EPB41L5: variants seen among roughly 807,000 people sequenced by gnomAD.
The protein encoded by EPB41L5 is erythrocyte membrane protein band 4.1 like 5, also known as band 4.1-like protein 5.
A neutral mutation model predicts 106.6 loss-of-function variants in EPB41L5; 55 were observed. The observed-to-expected ratio is 0.52, with a 90% CI of 0.42 to 0.65. EPB41L5 has a LOEUF of 0.65. Among genes scored for constraint, EPB41L5 ranks in the 30% least tolerant of loss-of-function variants. The probability of loss-of-function intolerance (pLI) is 0.00; values close to 1 mark genes in which losing one functional copy is unlikely to be tolerated. For missense variants in EPB41L5, 871 were observed against 882.1 expected (o/e 0.99, Z 0.16); for synonymous variants, 297 against 306.7 (o/e 0.97, Z 0.33).
In EPB41L5 at chr2:120,093,273, TTAGG is replaced by T; in HGVS notation, c.1178_1178+3del. ...GCATGTGCTACAAAACCTGAAGAAC[TTAGG>T]TAAGTAATGTTTTGCAACTTAGGAA... is the stretch of plus-strand genomic sequence containing the variant. On this transcript the variant is annotated splice_donor_variant and coding_sequence_variant, in exon 14 of 25. Coordinates refer to ENST00000263713, the MANE Select transcript of EPB41L5 (RefSeq NM_020909.4). LOFTEE classifies it high-confidence loss of function. The T allele has an allele frequency of 6.2e-7, 1 of 1,613,290 alleles. No homozygotes were observed. The highest frequency in any genetic ancestry group is 8.5e-7 in the Non-Finnish European group (1 of 1,179,290).
At chr2:120,145,870 T>C (rs892252594) in intron 19 of EPB41L5, among the ~76,000 whole-genome samples, 1 of 151,862 alleles carries the variant, frequency 6.6e-6, no homozygotes, top group Non-Finnish European at 1.5e-5. Flanking sequence ...CACTTGAACC[T>C]GGGAGGCAGA....
At chr2:120,078,445 C>A in intron 9 of EPB41L5, 48 bp from the exon 10 acceptor site, 1 of 1,258,976 alleles carries the variant, frequency 7.9e-7, no homozygotes, top group Non-Finnish European at 1.1e-6. Context: ...CAATGTGAAA[C>A]CTGTTTTGTA....
At chr2:120,068,051 G>A (rs1558842765) in intron 3 of EPB41L5, among the ~76,000 whole-genome samples, 2 of 152,186 alleles carry the variant, frequency 1.3e-5, no homozygotes, top group South Asian at 2.1e-4. Context: ...TGGAAGGCGG[G>A]TGATTTCTGC....
At chr2:120,059,975 A>T (rs1177951683) in intron 3 of EPB41L5, among the ~76,000 whole-genome samples, 2 of 152,200 alleles carry the variant, frequency 1.3e-5, no homozygotes, top group Non-Finnish European at 2.9e-5. Flanking sequence ...GAGACATTTC[A>T]CCTGAGAGGA....
chr2:120,042,417 T>C (rs998538369), intron 3 of EPB41L5, among the ~76,000 whole-genome samples: 3 of 152,180 alleles, frequency 2.0e-5, no homozygotes, highest in African/African-American at 7.2e-5. Context: ...TGAGAAACAC[T>C]GTGTACTGGA....
At chr2:120,119,544 A>T (rs980914867) in intron 16 of EPB41L5, among the ~76,000 whole-genome samples, 1 of 152,084 alleles carries the variant, frequency 6.6e-6, no homozygotes, top group African/African-American at 2.4e-5. Flanking sequence ...TGGTATAAGG[A>T]AGGGGTCCAG....
At chr2:120,145,204 C>G (rs527361633) in intron 19 of EPB41L5, among the ~76,000 whole-genome samples, 2 of 152,334 alleles carry the variant, frequency 1.3e-5, no homozygotes, top group South Asian at 2.1e-4. Flanking sequence ...CACATATCAT[C>G]TAACCCGCAA....
In EPB41L5 at chr2:120,143,139, G is replaced by A. The variant is rs747372141; in HGVS notation, c.1728+8G>A. On this transcript the variant is annotated splice_region_variant and intron_variant, in intron 19 of 24. Coordinates refer to ENST00000263713, the MANE Select transcript of EPB41L5 (RefSeq NM_020909.4). Reference sequence around the variant, plus strand: ...GTAGAAGCAGTGCATAAGGTAAGCTGCCTTTGATAGATAGCCCTGGTGAAG... The same window carrying A: ...GTAGAAGCAGTGCATAAGGTAAGCTACCTTTGATAGATAGCCCTGGTGAAG... 6.4e-7 allele frequency: 1 copy of A among 1,569,390 alleles called. No individual in the cohort carries two copies. The highest frequency in any genetic ancestry group is 2.0e-5 in the Admixed American group (1 of 51,226).
At chr2:120,125,271 C>T (rs1052205791) in intron 16 of EPB41L5, among the ~76,000 whole-genome samples, 3 of 152,128 alleles carry the variant, frequency 2.0e-5, no homozygotes, top group East Asian at 1.9e-4. Context: ...GTTCCAAACT[C>T]GTCCTCTAGG....
chr2:120,159,196 G>A (rs1476399919), intron 20 of EPB41L5, among the ~76,000 whole-genome samples: 1 of 151,512 alleles, frequency 6.6e-6, no homozygotes, highest in Non-Finnish European at 1.5e-5. Flanking sequence ...AGGCCGAGGC[G>A]GGTGGATCAC....
chr2:120,038,727 C>G, intron 2 of EPB41L5, among the ~76,000 whole-genome samples: 1 of 152,118 alleles, frequency 6.6e-6, no homozygotes, highest in East Asian at 1.9e-4. Context: ...GCACTCTTGC[C>G]TGGGCGACAG....
At chr2:120,122,798 C>T (rs1465975610) in intron 16 of EPB41L5, among the ~76,000 whole-genome samples, 2 of 152,182 alleles carry the variant, frequency 1.3e-5, no homozygotes, top group South Asian at 2.1e-4. Flanking sequence ...TTGATTCTTC[C>T]TATCCATGAG....
chr2:120,070,069 AATAG>A (rs761721278), intron 3 of EPB41L5, among the ~76,000 whole-genome samples: 66 of 152,320 alleles, frequency 4.3e-4, no homozygotes, highest in Non-Finnish European at 2.6e-4. Flanking sequence ...ATTTTAACAA[AATAG>A]ATAGACCACT....
intron 10 of EPB41L5, among the ~76,000 whole-genome samples, chr2:120,086,675 C>T (rs1023210698): frequency 2.0e-5 from 3 of 152,158 alleles, no homozygotes; most frequent in African/African-American, 7.2e-5. Context: ...TGGAAGTTCA[C>T]GGCTGCAGTG....
chr2:120,093,294 A>T lies in EPB41L5; in HGVS notation c.1178+18A>T, dbSNP rs757140614. 18 of 1,608,896 alleles carry T rather than the reference A, an allele frequency of 1.1e-5. 1 individual carries two copies. In the South Asian group the frequency reaches 2.0e-4, roughly 18 times the overall value. ...GAACTTAGGTAAGTAATGTTTTGCA[A>T]CTTAGGAATTGGTATAGAATTTGGG... is the stretch of plus-strand genomic sequence containing the variant. On this transcript the variant is annotated intron_variant, in intron 14 of 24. Transcript: ENST00000263713.
intron 20 of EPB41L5, among the ~76,000 whole-genome samples, chr2:120,155,762 T>C (rs1686873150): frequency 6.6e-6 from 1 of 152,042 alleles, no homozygotes; most frequent in African/African-American, 2.4e-5. Context: ...TTCTGCCTGC[T>C]TGAATCTGCT....
Position 120,142,984 on chromosome 2 carries a change from A to G in EPB41L5, c.1600-19A>G. 2 of 1,603,694 alleles carry G rather than the reference A, an allele frequency of 1.2e-6. No homozygotes were observed. Among genetic ancestry groups the G allele is most frequent in the South Asian group, 1.1e-5 (1 of 90,606 alleles). On this transcript the variant is annotated intron_variant, in intron 18 of 24. Coordinates refer to ENST00000263713, the MANE Select transcript of EPB41L5 (RefSeq NM_020909.4). ...ATAGTGCATCAGAGTTGATTATAGT[A>G]TATTTTTAAAATATCTAGGAGGAAG...
chr2:120,077,358 T>C (rs1409361042), intron 9 of EPB41L5, 42 bp downstream of exon 9: 3 of 1,564,368 alleles, frequency 1.9e-6, no homozygotes, highest in African/African-American at 2.7e-5. Flanking sequence ...ATTTATTCTT[T>C]GGAGGTTCGC....
At position 120,106,714 on chromosome 2, in the gene EPB41L5, T is replaced by C. The variant is rs1558880776; in HGVS notation, c.1337+5900T>C. 4.1e-6 allele frequency: 4 copies of C among 985,302 alleles called. No homozygotes were observed. In the South Asian group the frequency reaches 1.4e-4, roughly 35 times the overall value. The allele number at this position is 985,302 out of a possible 1,614,324, so 61.0% of individuals were successfully genotyped here. On this transcript the variant is annotated intron_variant, in intron 16 of 24. Transcript: ENST00000263713. ...CTGTTTTTACAGTCAAGGAAACTTGTAGAAACACAGCAAAGCTAGTGACCT... is the reference window on the plus strand; with the variant it reads ...CTGTTTTTACAGTCAAGGAAACTTGCAGAAACACAGCAAAGCTAGTGACCT...
Sources: gnomAD v4.1 joint callset for allele counts (sites outside exome capture counted in the v4.1 genomes callset) on GRCh38, gnomAD v4.1.1 for gene constraint, MANE v1.5 for transcripts, NCBI Gene and HGNC (gene_info 2026-07-23, HGNC 2026-07-21) for gene names.